IGFL4: variants seen among roughly 807,000 people sequenced by gnomAD.
IGFL4 encodes the protein IGF like family member 4.
A neutral mutation model predicts 15.4 loss-of-function variants in IGFL4; 12 were observed. The ratio of observed to expected loss-of-function variants is 0.78; its 90% CI spans 0.50 to 1.26. The LOEUF (loss-of-function observed/expected upper bound fraction) is 1.26, where lower values mean the gene tolerates loss of function less well. Among genes scored for constraint, IGFL4 ranks in the 50% most tolerant of loss-of-function variants. The pLI, the probability that IGFL4 is intolerant of heterozygous loss-of-function variation, is 0.00. For synonymous variants in IGFL4, 54 were observed against 55.9 expected (o/e 0.97, Z 0.16); for missense variants, 126 against 147.8 (o/e 0.85, Z 0.76).
chr19:46,052,966 G>GAAAAAAAAAAA (rs71175255), intron 2 of IGFL4, among the ~76,000 whole-genome samples: 1 of 112,460 alleles, frequency 8.9e-6, no homozygotes, highest in Non-Finnish European at 1.8e-5. Context: ...AGTCAGAAAA[G>GAAAAAAAAAAA]AAAAAAAAAA....
chr19:46,057,768 A>G (rs921379433), intron 2 of IGFL4: 33 of 152,204 alleles, frequency 2.2e-4, no homozygotes, highest in African/African-American at 8.0e-4. Context: ...GCAAAGCCAC[A>G]TCTTACATAG....
At chr19:46,056,955 T>A (rs1470524930) in intron 2 of IGFL4, among the ~76,000 whole-genome samples, 1 of 152,172 alleles carries the variant, frequency 6.6e-6, no homozygotes, top group Non-Finnish European at 1.5e-5. Flanking sequence ...TGCACCCTCT[T>A]TGTCTTAGGC....
intron 1 of IGFL4, among the ~76,000 whole-genome samples, chr19:46,065,000 A>G (rs1418877101): frequency 6.6e-6 from 1 of 152,002 alleles, no homozygotes; most frequent in African/African-American, 2.4e-5. Flanking sequence ...GGGTGAGATG[A>G]TATCTCATTG....
chr19:46,068,776 A>G (rs1568716694), intron 1 of IGFL4, among the ~76,000 whole-genome samples: 1 of 152,238 alleles, frequency 6.6e-6, no homozygotes, highest in Non-Finnish European at 1.5e-5. Context: ...ATGTGGTTTC[A>G]TAGAGGAAGA....
At chr19:46,077,122 G>C (rs1469132979), upstream of IGFL4, 3 of 152,284 alleles carry the variant, frequency 2.0e-5, no homozygotes, top group Non-Finnish European at 4.4e-5. This position sits in a 1 kb window ranked among gnomAD's most constrained non-coding sequence, Gnocchi z 5.4. Flanking sequence ...ATGCAGCTGA[G>C]CTTGACGGGC....
intron 2 of IGFL4, among the ~76,000 whole-genome samples, chr19:46,052,253 G>C (rs1284019695): frequency 6.6e-6 from 1 of 152,034 alleles, no homozygotes; most frequent in Non-Finnish European, 1.5e-5. Context: ...AGGTATAATA[G>C]ATCTCAATAA....
chr19:46,076,711 AATAAAT>A (rs1969602019), intron 1 of IGFL4, among the ~76,000 whole-genome samples: 1 of 146,866 alleles, frequency 6.8e-6, no homozygotes, highest in African/African-American at 2.5e-5. Flanking sequence ...CATTATTTAT[AATAAAT>A]ATAAATAATA....
intron 2 of IGFL4, among the ~76,000 whole-genome samples, chr19:46,048,353 C>G (rs1397255728): frequency 1.3e-5 from 2 of 152,136 alleles, no homozygotes; most frequent in Admixed American, 1.3e-4. Flanking sequence ...CCCTTGAAAA[C>G]TGGCACAAGA....
Position 46,039,839 on chromosome 19 carries a change from T to C in IGFL4, c.*53A>G. ...CAACAACAAAATCAATGCAGTATAA[T>C]TACCAAGTATTAGATTCTAGAGTGA... is the stretch of plus-strand genomic sequence containing the variant. On this transcript the variant is annotated 3_prime_UTR_variant, in exon 4 of 4. Transcript: ENST00000377697. The C allele has an allele frequency of 7.0e-7, 1 of 1,424,576 alleles. No homozygotes were observed. The highest frequency in any genetic ancestry group is 9.9e-7 in the Non-Finnish European group (1 of 1,007,394). 88.2% of individuals were successfully genotyped at this position (1,424,576 alleles called of 1,614,324 possible).
At chr19:46,054,492 A>G (rs774918497) in intron 2 of IGFL4, among the ~76,000 whole-genome samples, 2 of 152,110 alleles carry the variant, frequency 1.3e-5, no homozygotes, top group Non-Finnish European at 2.9e-5. Flanking sequence ...GTGCCATGCT[A>G]TTTTGGTTAC....
At chr19:46,070,471 A>C in intron 1 of IGFL4, among the ~76,000 whole-genome samples, 1 of 152,008 alleles carries the variant, frequency 6.6e-6, no homozygotes, top group East Asian at 1.9e-4. Context: ...CACAATACCA[A>C]GCATTAAATG....
At chr19:46,053,404 G>A (rs1009160917) in intron 2 of IGFL4, among the ~76,000 whole-genome samples, 11 of 152,088 alleles carry the variant, frequency 7.2e-5, no homozygotes, top group South Asian at 2.1e-4. Context: ...TAGTAGAGCC[G>A]GGGTTTTACC....
chr19:46,041,493 C>G (rs185164500), upstream of IGFL4, among the ~76,000 whole-genome samples: 2 of 152,066 alleles, frequency 1.3e-5, no homozygotes, highest in African/African-American at 2.4e-5. Context: ...TCTAGAAGAA[C>G]AGCAGGGGCT....
chr19:46,058,002 C>A (rs966583135), intron 2 of IGFL4: 1 of 152,042 alleles, frequency 6.6e-6, no homozygotes, highest in Admixed American at 6.5e-5. Context: ...CTGCCCCCAA[C>A]CCCTCCCAAA....
chr19:46,069,228 C>G (rs1969522571), intron 1 of IGFL4, among the ~76,000 whole-genome samples: 1 of 152,172 alleles, frequency 6.6e-6, no homozygotes, highest in Non-Finnish European at 1.5e-5. Context: ...CCACCTCTTT[C>G]CCCCAATTTT....
intron 1 of IGFL4, among the ~76,000 whole-genome samples, chr19:46,067,251 C>A (rs1008721700): frequency 6.6e-6 from 1 of 152,216 alleles, no homozygotes; most frequent in African/African-American, 2.4e-5. Context: ...ATACCTAACA[C>A]TACTATCTGG....
Position 46,040,998 on chromosome 19 carries a change from A to G in IGFL4, c.-36T>C, listed in dbSNP as rs1453557989. On this transcript the variant is annotated 5_prime_UTR_variant, in exon 1 of 4. Coordinates refer to ENST00000377697, the MANE Select transcript of IGFL4 (RefSeq NM_001002923.3). The surrounding 1 kb of genome is among the most constrained non-coding windows in gnomAD (Gnocchi z 4.1). Reference sequence around the variant, plus strand: ...TCAGAGCAGCGGACGAGGGAGCAGCAGTGGAAATGGGTCAGTGACTTTACA... The same window carrying G: ...TCAGAGCAGCGGACGAGGGAGCAGCGGTGGAAATGGGTCAGTGACTTTACA... 6 of 1,562,160 alleles carry G rather than the reference A, an allele frequency of 3.8e-6. No individual in the cohort carries two copies. Among genetic ancestry groups the G allele is most frequent in the Non-Finnish European group, 5.2e-6 (6 of 1,158,170 alleles).
chr19:46,048,700 C>G (rs1049088887), intron 2 of IGFL4, among the ~76,000 whole-genome samples: 1 of 152,134 alleles, frequency 6.6e-6, no homozygotes, highest in African/African-American at 2.4e-5. Context: ...CCTAAGAATA[C>G]AGCTAACAAG....
intron 2 of IGFL4, among the ~76,000 whole-genome samples, chr19:46,049,822 T>C (rs1489686037): frequency 1.3e-5 from 2 of 152,078 alleles, no homozygotes; most frequent in Non-Finnish European, 2.9e-5. Context: ...GCTGACGCGC[T>C]CTTAAAAGCG....
Sources: allele counts gnomAD v4.1 joint callset (sites outside exome capture counted in the v4.1 genomes callset), GRCh38; gene constraint gnomAD v4.1.1; non-coding constraint Gnocchi (gnomAD v3.1); transcripts MANE v1.5; gene names NCBI Gene and HGNC (gene_info 2026-07-23, HGNC 2026-07-21).